MAP1LC3A: variants seen among roughly 807,000 people sequenced by gnomAD.
The protein encoded by MAP1LC3A is microtubule-associated protein 1 light chain 3 alpha.
A neutral mutation model predicts 15.2 loss-of-function variants in MAP1LC3A; 10 were observed. The observed-to-expected ratio is 0.66, with a 90% CI of 0.41 to 1.12. The LOEUF (loss-of-function observed/expected upper bound fraction) is 1.12, where lower values mean the gene tolerates loss of function less well. MAP1LC3A is among the 50% of genes most tolerant of loss of function. The pLI, the probability that MAP1LC3A is intolerant of heterozygous loss-of-function variation, is 0.00. For synonymous variants in MAP1LC3A, 63 were observed against 64.3 expected (o/e 0.98, Z 0.10); for missense variants, 138 against 167.3 (o/e 0.82, Z 0.97).
At chr20:34,550,729 A>G (rs1981916919) in intron 2 of MAP1LC3A, among the ~76,000 whole-genome samples, 1 of 152,206 alleles carries the variant, frequency 6.6e-6, no homozygotes, top group African/African-American at 2.4e-5. Context: ...CCACTCCTCA[A>G]ACACACACCT....
chr20:34,557,757 T>A (rs1014726081), upstream of MAP1LC3A, among the ~76,000 whole-genome samples: 1 of 152,102 alleles, frequency 6.6e-6, no homozygotes, highest in Non-Finnish European at 1.5e-5. Context: ...AAACTCCATC[T>A]CTACTAAAAA....
upstream of MAP1LC3A, chr20:34,557,972 T>C (rs944024518): frequency 2.9e-6 from 1 of 346,106 alleles, no homozygotes; most frequent in African/African-American, 2.5e-5. Flanking sequence ...GTCTGCGCAT[T>C]CTGCTCTGGA....
upstream of MAP1LC3A, among the ~76,000 whole-genome samples, chr20:34,554,354 G>GTTTTTTTTTTTTTTTTTTTTTTTTTT (rs537779341): frequency 9.4e-6 from 1 of 106,186 alleles, no homozygotes; most frequent in African/African-American, 3.9e-5. Context: ...TATACGTTGG[G>GTTTTTTTTTTTTTTTTTTTTTTTTTT]TTTTTTTTTT....
At chr20:34,548,259 A>G (rs1981813351) in intron 1 of MAP1LC3A, among the ~76,000 whole-genome samples, 1 of 152,184 alleles carries the variant, frequency 6.6e-6, no homozygotes, top group South Asian at 2.1e-4. Context: ...CTGGAAGCCA[A>G]ACTGGAGGTG....
At position 34,553,427 on chromosome 20, in the gene MAP1LC3A, C is replaced by T. The variant is rs1446084186; in HGVS notation, c.52+3398C>T. Among the ~76,000 whole-genome samples, 8 of 152,122 alleles carry T rather than the reference C, an allele frequency of 5.3e-5. No homozygotes were observed. In the East Asian group the frequency reaches 1.6e-3, roughly 30 times the overall value. ...AGCCCTGCTGACTGTCAGGCAGGGGCAGAGCTCACAGCTTGGGACTTGGGG... is the reference window on the plus strand; with the variant it reads ...AGCCCTGCTGACTGTCAGGCAGGGGTAGAGCTCACAGCTTGGGACTTGGGG... On this transcript the variant is annotated intron_variant, in intron 2 of 4. Transcript: ENST00000374837.
chr20:34,559,062 C>A (rs995943106), intron 1 of MAP1LC3A, 146 bp from the exon 2 acceptor site: 40 of 1,324,422 alleles, frequency 3.0e-5, no homozygotes, highest in Non-Finnish European at 3.9e-5. Context: ...GCTTCCCCAC[C>A]GCGATAGGTG....
chr20:34,553,472 C>T (rs1158963892), intron 2 of MAP1LC3A, among the ~76,000 whole-genome samples: 1 of 152,100 alleles, frequency 6.6e-6, no homozygotes, highest in African/African-American at 2.4e-5. Flanking sequence ...TCCACGTTGG[C>T]CTCAGTTCAG....
chr20:34,551,798 T>G (rs1476662329), intron 2 of MAP1LC3A, among the ~76,000 whole-genome samples: 1 of 151,826 alleles, frequency 6.6e-6, no homozygotes, highest in African/African-American at 2.4e-5. Context: ...TGGGTCACAT[T>G]AGTGAGTGTA....
At chr20:34,559,508 C>A in intron 3 of MAP1LC3A, 55 bp downstream of exon 3, 1 of 1,514,862 alleles carries the variant, frequency 6.6e-7, no homozygotes, top group Non-Finnish European at 9.1e-7. Context: ...GAGCCGGGTT[C>A]CCGCCGAGAA....
chr20:34,551,872 C>T lies in MAP1LC3A; in HGVS notation c.52+1843C>T, dbSNP rs560812271. Among the ~76,000 whole-genome samples, 8 of 151,916 alleles carry T rather than the reference C, an allele frequency of 5.3e-5. No homozygotes were observed. The South Asian group carries it at 1.7e-3, about 31-fold the overall frequency. On this transcript the variant is annotated intron_variant, in intron 2 of 4. Transcript: ENST00000374837. The stretch of plus-strand genomic sequence containing the variant: ...CATTTCATTGTTTGTGAATTTTACC[C>T]TGAAAGAAAAAAAACCAAATACTGA...
intron 1 of MAP1LC3A, among the ~76,000 whole-genome samples, chr20:34,548,327 C>A (rs1981815564): frequency 6.6e-6 from 1 of 152,300 alleles, no homozygotes; most frequent in South Asian, 2.1e-4. Flanking sequence ...ACCCAGGACC[C>A]CATGAGTGGC....
chr20:34,550,159 C>T, intron 2 of MAP1LC3A: 1 of 823,496 alleles, frequency 1.2e-6, no homozygotes, highest in Non-Finnish European at 2.0e-6. Context: ...GGCCAGTTCT[C>T]CACTTTTTCT....
At chr20:34,559,052 G>T in intron 1 of MAP1LC3A, 144 bp downstream of exon 1, 1 of 1,325,350 alleles carries the variant, frequency 7.5e-7, no homozygotes, top group Non-Finnish European at 9.7e-7. Context: ...GGGGCTGCCC[G>T]CTTCCCCACC....
chr20:34,558,464 G>A, upstream of MAP1LC3A: 1 of 1,007,452 alleles, frequency 9.9e-7, no homozygotes. The surrounding 1 kb of genome is among the most constrained non-coding windows in gnomAD (Gnocchi z 4.3). Context: ...TGGCCCGCCC[G>A]CTCCATCGGC....
rs748185403 is a variant in MAP1LC3A, at chr20:34,559,899, G to A, written c.*1G>A. The A allele has an allele frequency of 8.7e-6, 14 of 1,609,468 alleles. No individual in the cohort carries two copies. The East Asian group carries it at 1.1e-4, about 13-fold the overall frequency. Reference sequence around the variant, plus strand: ...CTCCCAGGAAACCTTCGGCTTCTGAGCCAGCAGTAGGGGGGCTCGGCCTGG... The same window carrying A: ...CTCCCAGGAAACCTTCGGCTTCTGAACCAGCAGTAGGGGGGCTCGGCCTGG... On this transcript the variant is annotated 3_prime_UTR_variant, in exon 4 of 4. Transcript: ENST00000360668.
chr20:34,547,863 G>A (rs758440706), intron 1 of MAP1LC3A, among the ~76,000 whole-genome samples: 1 of 152,154 alleles, frequency 6.6e-6, no homozygotes, highest in African/African-American at 2.4e-5. Context: ...CTCCCTAAAC[G>A]CTGGGATTGC....
At chr20:34,558,119 CCTGT>C (rs1230686203), upstream of MAP1LC3A, 1 of 985,550 alleles carries the variant, frequency 1.0e-6, no homozygotes, top group Non-Finnish European at 1.2e-6. This position sits in a 1 kb window ranked among gnomAD's most constrained non-coding sequence, Gnocchi z 4.3. Context: ...TTCCCCATCA[CCTGT>C]CTCTCTGGTG....
chr20:34,559,386 G>A lies in MAP1LC3A; in HGVS notation c.136G>A (p.Val46Ile), dbSNP rs1392661137. 1.4e-6 allele frequency: 2 copies of A among 1,415,382 alleles called. No homozygotes were observed. The highest frequency in any genetic ancestry group is 1.1e-5 in the South Asian group (1 of 88,250). The allele number at this position is 1,415,382 out of a possible 1,614,324, so 87.7% of individuals were successfully genotyped here. A position where few individuals can be genotyped will look rare whatever the true frequency, so the allele number is the denominator to read the frequency against. ...CTACAAGGGTGAGAAGCAGCTGCCC[G>A]TCCTGGACAAGACCAAGTTTTTGGT... ...ERYKGEKQLP[V>I]LDKTKFLVPD... Residue 46 changes from valine (V) to isoleucine (I), a missense_variant, in exon 3 of 4, where the codon GTC becomes ATC. Coordinates refer to ENST00000360668, the MANE Select transcript of MAP1LC3A (RefSeq NM_032514.4).
At chr20:34,558,176 T>C, upstream of MAP1LC3A, 2 of 976,716 alleles carry the variant, frequency 2.0e-6, no homozygotes, top group Non-Finnish European at 2.4e-6. This position sits in a 1 kb window ranked among gnomAD's most constrained non-coding sequence, Gnocchi z 4.3. Context: ...TTCTCTTCTG[T>C]TGTCCTTTTC....
Sources: gnomAD v4.1 joint callset for allele counts (sites outside exome capture counted in the v4.1 genomes callset) on GRCh38, gnomAD v4.1.1 for gene constraint, Gnocchi (gnomAD v3.1) non-coding constraint, MANE v1.5 for transcripts, NCBI Gene and HGNC (gene_info 2026-07-23, HGNC 2026-07-21) for gene names.